The following OSTN variants were observed in gnomAD, a reference collection of about 807,000 sequenced individuals.
OSTN encodes osteocrin.
OSTN carries 9 observed loss-of-function variants against 12.0 expected under a neutral mutation model. The observed-to-expected ratio is 0.75, with a 90% CI of 0.45 to 1.30. The LOEUF (loss-of-function observed/expected upper bound fraction) is 1.30. Ranked by LOEUF, OSTN falls within the 50% of genes most tolerant of loss-of-function variation. The pLI, the probability that OSTN is intolerant of heterozygous loss-of-function variation, is 0.00. For synonymous variants in OSTN, 59 were observed against 56.9 expected (o/e 1.04, Z -0.16); for missense variants, 148 against 152.3 (o/e 0.97, Z 0.15).
intron 4 of OSTN, among the ~76,000 whole-genome samples, chr3:191,253,285 A>G (rs1715600449): frequency 1.3e-5 from 2 of 152,236 alleles, no homozygotes; most frequent in East Asian, 1.9e-4. Flanking sequence ...TCCTATTAAA[A>G]GTAAAACTGC....
At chr3:191,255,056 C>G (rs1305933984) in intron 4 of OSTN, among the ~76,000 whole-genome samples, 1 of 152,152 alleles carries the variant, frequency 6.6e-6, no homozygotes, top group Admixed American at 6.5e-5. Flanking sequence ...GACAATTTTT[C>G]CAAGGACCAG....
Position 191,250,061 on chromosome 3 carries a change from G to T in OSTN, c.342G>T (p.Arg114Ser), listed in dbSNP as rs750748144. ...GGAAAGTAGTAGATCATCCAAAAAG[G>T]CGATTTGGTATCCCCATGGATCGGA... ...KQRKVVDHPKRRFGIPMDRIG... is the reference protein window; with the variant it reads ...KQRKVVDHPKSRFGIPMDRIG... The change falls in exon 4 of 5, where the codon AGG (arginine) becomes AGT (serine). Residue 114 changes from arginine to serine, a missense_variant. Physicochemically the swap from Arg to Ser is moderately radical, Grantham distance 110. Transcript: ENST00000682035. The T allele has an allele frequency of 3.1e-6, 5 of 1,613,658 alleles. No individual in the cohort carries two copies. The highest frequency in any genetic ancestry group is 2.5e-6 in the Non-Finnish European group (3 of 1,179,736).
At chr3:191,211,993 C>T (rs1248724580) in intron 1 of OSTN, among the ~76,000 whole-genome samples, 1 of 151,886 alleles carries the variant, frequency 6.6e-6, no homozygotes, top group Non-Finnish European at 1.5e-5. Context: ...GATATAAAAA[C>T]ATAGTTTTTT....
intron 2 of OSTN, among the ~76,000 whole-genome samples, chr3:191,214,535 C>G (rs767290950): frequency 6.6e-6 from 1 of 150,442 alleles, no homozygotes; most frequent in African/African-American, 2.5e-5. Flanking sequence ...CAAGAACTGA[C>G]GAGACTTAGG....
rs557706800 is a variant in OSTN, at chr3:191,240,816, G to A, written c.318-9221G>A. Among the ~76,000 whole-genome samples the A allele has an allele frequency of 1.2e-3, 182 of 152,390 alleles. 1 individual carries two copies. The highest frequency in any genetic ancestry group is 4.1e-3 in the African/African-American group (172 of 41,596). On this transcript the variant is annotated intron_variant, in intron 3 of 4. Transcript: ENST00000682035. Reference sequence around the variant, plus strand: ...TGTAAACCTCTCTAAAGGGTTGTTAGCATGCACTTAGGAAATGGCAGCCAG... The same window carrying A: ...TGTAAACCTCTCTAAAGGGTTGTTAACATGCACTTAGGAAATGGCAGCCAG...
At chr3:191,244,491 T>G (rs1715387987) in intron 3 of OSTN, among the ~76,000 whole-genome samples, 1 of 151,100 alleles carries the variant, frequency 6.6e-6, no homozygotes, top group African/African-American at 2.4e-5. Context: ...CTTTCTCTTT[T>G]GGTTTCAAGA....
Position 191,260,547 on chromosome 3 carries a change from G to A in OSTN, c.*13-2319G>A, listed in dbSNP as rs554905428. Among the ~76,000 whole-genome samples the A allele has an allele frequency of 7.9e-5, 12 of 152,256 alleles. No homozygotes were observed. The South Asian group carries it at 2.3e-3, about 29-fold the overall frequency. On this transcript the variant is annotated intron_variant, in intron 4 of 4. Transcript: ENST00000682035. The stretch of plus-strand genomic sequence containing the variant: ...TCCCCTCCTGGGATTGGACTTTCCC[G>A]GCATTAACCAGGCAACAACGGCTGA...
chr3:191,204,268 ATAAAG>A (rs1435467945), intron 1 of OSTN, among the ~76,000 whole-genome samples: 3 of 152,140 alleles, frequency 2.0e-5, no homozygotes, highest in African/African-American at 7.2e-5. Flanking sequence ...AATCCAAAAC[ATAAAG>A]TAAATTCCCA....
chr3:191,252,184 C>T (rs1323753981), intron 4 of OSTN, among the ~76,000 whole-genome samples: 1 of 152,178 alleles, frequency 6.6e-6, no homozygotes, highest in African/African-American at 2.4e-5. Flanking sequence ...CTCAGCCTCC[C>T]AAGCATCTGG....
intron 1 of OSTN, among the ~76,000 whole-genome samples, chr3:191,203,963 C>T (rs1457518259): frequency 6.6e-6 from 1 of 152,222 alleles, no homozygotes; most frequent in South Asian, 2.1e-4. Flanking sequence ...TCTCGGCTCA[C>T]TGCAACCTCC....
In OSTN at chr3:191,232,331, T is replaced by TAAAAAAAAAAAA. The variant is rs61313474; in HGVS notation, c.317+13389_317+13400dup. Reference sequence around the variant, plus strand: ...CTGGGTGACAGAGGGAGACTCTGTCTAAAAAAAAAAAAAAAAAAAAAAAAA... The same window carrying TAAAAAAAAAAAA: ...CTGGGTGACAGAGGGAGACTCTGTCTAAAAAAAAAAAAAAAAAAAAAAAAAAAAAAAAAAAAA... On this transcript the variant is annotated intron_variant, in intron 3 of 4. Transcript: ENST00000682035. Among the ~76,000 whole-genome samples the TAAAAAAAAAAAA allele has an allele frequency of 3.7e-4, 25 of 67,488 alleles. 2 individuals are homozygous for TAAAAAAAAAAAA. The highest frequency in any genetic ancestry group is 1.9e-3 in the African/African-American group (22 of 11,382). The allele number at this position is 67,488 out of a possible 152,430, so 44.3% of individuals were successfully genotyped here. A position where few individuals can be genotyped will look rare whatever the true frequency, so the allele number is the denominator to read the frequency against.
chr3:191,231,844 G>A (rs1715063791), intron 3 of OSTN, among the ~76,000 whole-genome samples: 1 of 151,976 alleles, frequency 6.6e-6, no homozygotes, highest in African/African-American at 2.4e-5. Flanking sequence ...GGCAATTTGG[G>A]GAAACCTATG....
chr3:191,204,908 C>CT (rs1226046319), intron 1 of OSTN, among the ~76,000 whole-genome samples: 1 of 152,142 alleles, frequency 6.6e-6, no homozygotes, highest in Non-Finnish European at 1.5e-5. Context: ...CCTTCAGCTT[C>CT]ATAACAATCA....
intron 2 of OSTN, among the ~76,000 whole-genome samples, chr3:191,216,206 C>A (rs1714606474): frequency 6.6e-6 from 1 of 152,178 alleles, no homozygotes; most frequent in Non-Finnish European, 1.5e-5. Context: ...TGTATGTTGG[C>A]CCCCTTAGCC....
At chr3:191,222,384 T>C (rs765361208) in intron 3 of OSTN, among the ~76,000 whole-genome samples, 2 of 152,180 alleles carry the variant, frequency 1.3e-5, no homozygotes, top group Non-Finnish European at 2.9e-5. Flanking sequence ...GAGATTAATT[T>C]GGAGCTTTAA....
At position 191,263,892 on chromosome 3, in the gene OSTN, T is replaced by A. The variant is rs534588334; in HGVS notation, c.*1039T>A. ...ACTCAGTTCTCAGTAATAACTATGATGTTACTGTAGCTTGGACACATAGGT... is the reference window on the plus strand; with the variant it reads ...ACTCAGTTCTCAGTAATAACTATGAAGTTACTGTAGCTTGGACACATAGGT... On this transcript the variant is annotated 3_prime_UTR_variant, in exon 5 of 5. Coordinates refer to ENST00000682035, the MANE Select transcript of OSTN (RefSeq NM_198184.2). 5 of 152,302 alleles carry A rather than the reference T, an allele frequency of 3.3e-5. No individual in the cohort carries two copies. The South Asian group carries it at 1.0e-3, about 32-fold the overall frequency. The allele number at this position is 152,302 out of a possible 1,614,324, so 9.4% of individuals were successfully genotyped here. A position where few individuals can be genotyped will look rare whatever the true frequency, so the allele number is the denominator to read the frequency against.
chr3:191,216,205 G>T (rs1048079615), intron 2 of OSTN, among the ~76,000 whole-genome samples: 1 of 152,158 alleles, frequency 6.6e-6, no homozygotes, highest in African/African-American at 2.4e-5. Context: ...CTGTATGTTG[G>T]CCCCCTTAGC....
At chr3:191,240,200 G>T (rs762580805) in intron 3 of OSTN, among the ~76,000 whole-genome samples, 9 of 152,108 alleles carry the variant, frequency 5.9e-5, no homozygotes, top group Non-Finnish European at 1.2e-4. Flanking sequence ...ACATGGTTTT[G>T]TACACTTTGA....
intron 4 of OSTN, among the ~76,000 whole-genome samples, chr3:191,256,664 A>C (rs1317045414): frequency 6.6e-6 from 1 of 151,654 alleles, no homozygotes; most frequent in South Asian, 2.1e-4. Context: ...ACAGCAAATA[A>C]AATTTTTTAC....
Sources: allele counts gnomAD v4.1 joint callset (sites outside exome capture counted in the v4.1 genomes callset), GRCh38; gene constraint gnomAD v4.1.1; transcripts MANE v1.5; gene names NCBI Gene and HGNC (gene_info 2026-07-23, HGNC 2026-07-21).